Variants in PTPRT observed in about 807,000 individuals in gnomAD.
The protein encoded by PTPRT is protein tyrosine phosphatase receptor type T.
In PTPRT, 56 loss-of-function variants were observed where a neutral mutation model predicts 176.8. The observed-to-expected ratio is 0.32, with a 90% confidence interval of 0.26 to 0.40. The LOEUF (loss-of-function observed/expected upper bound fraction) is 0.40, where lower values mean the gene tolerates loss of function less well. Among genes scored for constraint, PTPRT ranks in the 10% least tolerant of loss-of-function variants. The pLI is 1.00. For synonymous variants in PTPRT, 783 were observed against 739.0 expected (o/e 1.06, Z -0.96); for missense variants, 1,540 against 1,908.2 (o/e 0.81, Z 3.60).
intron 19 of PTPRT, among the ~76,000 whole-genome samples, chr20:42,127,432 C>T (rs1414963742): frequency 3.3e-5 from 5 of 152,122 alleles, no homozygotes; most frequent in African/African-American, 1.2e-4. Flanking sequence ...CACACACACA[C>T]CCTGCAATGC....
At chr20:42,102,046 G>C in intron 26 of PTPRT, 78 bp downstream of exon 26, 2 of 1,534,798 alleles carry the variant, frequency 1.3e-6, no homozygotes, top group Non-Finnish European at 1.8e-6. Flanking sequence ...AGGGCCCTGA[G>C]GTCCAGCCAC....
chr20:42,290,135 A>G (rs2057294875), intron 12 of PTPRT, among the ~76,000 whole-genome samples: 1 of 152,044 alleles, frequency 6.6e-6, no homozygotes, highest in South Asian at 2.1e-4. Context: ...AAAAGAAATG[A>G]GCACTTTCTT....
Position 42,286,553 on chromosome 20 carries a change from G to A in PTPRT, c.2140-4028C>T, listed in dbSNP as rs114399852. On this transcript the variant is annotated intron_variant, in intron 12 of 30. Coordinates refer to ENST00000373187, the MANE Select transcript of PTPRT (RefSeq NM_007050.6). Reference sequence around the variant, plus strand: ...ATATTCAGAAGAACGAAACTAGACCGCCACCTCTCACCCTATACAAAAATC... The same window carrying A: ...ATATTCAGAAGAACGAAACTAGACCACCACCTCTCACCCTATACAAAAATC... 4.8e-3 allele frequency among the ~76,000 whole-genome samples: 728 copies of A among 151,794 alleles called. 5 individuals carry two copies. Among genetic ancestry groups the A allele is most frequent in the African/African-American group, 0.016 (654 of 41,468 alleles).
chr20:42,705,348 A>G (rs2076037553), intron 6 of PTPRT, among the ~76,000 whole-genome samples: 1 of 147,484 alleles, frequency 6.8e-6, no homozygotes, highest in Non-Finnish European at 1.5e-5. Flanking sequence ...TGGTGGGATT[A>G]TCGTTGGTTC....
chr20:43,146,568 A>C (rs968331107), intron 1 of PTPRT, among the ~76,000 whole-genome samples: 6 of 152,090 alleles, frequency 3.9e-5, no homozygotes, highest in Non-Finnish European at 8.8e-5. Context: ...CAAAAAAAAA[A>C]AAAATCACCC....
rs750768544 is a variant in PTPRT, at chr20:42,352,301, GCAAA to G, written c.1561-20_1561-17del. On this transcript the variant is annotated splice_polypyrimidine_tract_variant and intron_variant, in intron 9 of 30. Transcript: ENST00000373187. ...TGTAGTTGATCTGTAGGACAAGCCA[GCAAA>G]CAAACAAACAAATAAATGCCTCACT... 71 of 1,613,338 alleles carry G rather than the reference GCAAA, an allele frequency of 4.4e-5. No homozygotes were observed. Among genetic ancestry groups the G allele is most frequent in the Non-Finnish European group, 5.5e-5 (65 of 1,179,524 alleles).
In PTPRT at chr20:43,010,754, A is replaced by G. The variant is rs1021194410; in HGVS notation, c.89-124822T>C. ...GAAAAAAAAAAAAAGAATAAAAGGC[A>G]CCCTTCAAGATTAATGCCCCCACTA... On this transcript the variant is annotated intron_variant, in intron 1 of 30. Transcript: ENST00000373187. 7.9e-5 allele frequency among the ~76,000 whole-genome samples: 12 copies of G among 151,874 alleles called. 1 individual carries two copies. Among genetic ancestry groups the G allele is most frequent in the African/African-American group, 2.9e-4 (12 of 41,366 alleles).
intron 12 of PTPRT, among the ~76,000 whole-genome samples, chr20:42,303,617 G>A (rs974210031): frequency 6.6e-6 from 1 of 152,168 alleles, no homozygotes; most frequent in Non-Finnish European, 1.5e-5. Flanking sequence ...TGGCTTGCTT[G>A]TGTGTTAAAT....
At chr20:42,328,562 C>G (rs1173421611) in intron 11 of PTPRT, among the ~76,000 whole-genome samples, 2 of 152,120 alleles carry the variant, frequency 1.3e-5, no homozygotes, top group East Asian at 3.9e-4. Context: ...AAAGTACGAT[C>G]ATATAAGTAG....
intron 7 of PTPRT, among the ~76,000 whole-genome samples, chr20:42,573,779 C>T (rs1278578079): frequency 8.8e-5 from 11 of 124,884 alleles, no homozygotes; most frequent in African/African-American, 2.8e-4. Flanking sequence ...GATGGAGTCT[C>T]ACTCTGTCAC....
chr20:42,659,199 T>C (rs781698928), intron 7 of PTPRT, among the ~76,000 whole-genome samples: 3 of 152,134 alleles, frequency 2.0e-5, no homozygotes, highest in African/African-American at 4.8e-5. Context: ...AGGAACTCTC[T>C]AACTCTCAAA....
chr20:42,479,076 T>C (rs1483399387), intron 7 of PTPRT, among the ~76,000 whole-genome samples: 1 of 152,178 alleles, frequency 6.6e-6, no homozygotes, highest in Non-Finnish European at 1.5e-5. Flanking sequence ...CCCTTTTTTG[T>C]TCTGTATGGA....
intron 5 of PTPRT, among the ~76,000 whole-genome samples, chr20:42,758,245 A>G (rs539393608): frequency 6.6e-6 from 1 of 152,178 alleles, no homozygotes; most frequent in African/African-American, 2.4e-5. Flanking sequence ...CGCGATCTTC[A>G]TTGTTTCCTG....
chr20:42,072,233 A>C (rs1431405827), downstream of PTPRT, among the ~76,000 whole-genome samples: 1 of 152,240 alleles, frequency 6.6e-6, no homozygotes, highest in Non-Finnish European at 1.5e-5. Flanking sequence ...CATGTGCCCC[A>C]GCCAAGCCTT....
chr20:42,754,917 C>G (rs1011688992), intron 6 of PTPRT, among the ~76,000 whole-genome samples: 2 of 152,124 alleles, frequency 1.3e-5, no homozygotes, highest in Admixed American at 6.5e-5. Context: ...AGAACCAGTG[C>G]CAGGCACTGC....
At chr20:42,500,251 C>A (rs1254578448) in intron 7 of PTPRT, among the ~76,000 whole-genome samples, 2 of 151,874 alleles carry the variant, frequency 1.3e-5, no homozygotes, top group African/African-American at 4.8e-5. Flanking sequence ...CAAACTTCAC[C>A]CTTGTATAAC....
At chr20:42,417,530 C>T (rs765170200) in intron 9 of PTPRT, among the ~76,000 whole-genome samples, 9 of 151,280 alleles carry the variant, frequency 5.9e-5, no homozygotes, top group Non-Finnish European at 1.2e-4. Context: ...ATTCAATCCT[C>T]CAGGAGAGTA....
chr20:42,382,704 TG>T (rs2058708495), intron 9 of PTPRT, among the ~76,000 whole-genome samples: 1 of 151,596 alleles, frequency 6.6e-6, no homozygotes, highest in African/African-American at 2.4e-5. Context: ...CGGGGTATGG[TG>T]GGGGGTGTAA....
chr20:42,826,584 A>G (rs1301319886), intron 2 of PTPRT, among the ~76,000 whole-genome samples: 8 of 152,230 alleles, frequency 5.3e-5, no homozygotes, highest in Non-Finnish European at 8.8e-5. Context: ...CTAAGATCAA[A>G]TGTAGTATCT....
Sources: gnomAD v4.1 joint callset for allele counts (sites outside exome capture counted in the v4.1 genomes callset) on GRCh38, gnomAD v4.1.1 for gene constraint, MANE v1.5 for transcripts, NCBI Gene and HGNC (gene_info 2026-07-23, HGNC 2026-07-21) for gene names.